Variants in ZNF718 observed in about 807,000 individuals in gnomAD.
The protein encoded by ZNF718 is zinc finger protein 718.
ZNF718 carries 3 observed loss-of-function variants against 2.6 expected under a neutral mutation model. That is an observed-to-expected ratio of 1.16 (90% CI 0.53 to 3.01). ZNF718 has a LOEUF of 3.01. ZNF718 is among the 30% of genes most tolerant of loss of function. The probability of loss-of-function intolerance (pLI) is 0.03; values close to 1 mark genes in which losing one functional copy is unlikely to be tolerated. For missense variants in ZNF718, 468 were observed against 230.0 expected (o/e 2.03, Z -6.69); for synonymous variants, 135 against 77.9 (o/e 1.73, Z -3.86).
chr4:198,959 G>A (rs1300388168), intron 3 of ZNF718, among the ~76,000 whole-genome samples: 1 of 152,066 alleles, frequency 6.6e-6, no homozygotes, highest in Admixed American at 6.5e-5. Flanking sequence ...ATTGAGCACA[G>A]GCAAGTAACT....
At chr4:179,905 ACAT>A (rs1717430289) in intron 3 of ZNF718, among the ~76,000 whole-genome samples, 1 of 152,206 alleles carries the variant, frequency 6.6e-6, no homozygotes. Flanking sequence ...TTAAAATAAA[ACAT>A]CATATATGTT....
At chr4:177,278 A>T (rs1360773637) in intron 3 of ZNF718, among the ~76,000 whole-genome samples, 1 of 152,216 alleles carries the variant, frequency 6.6e-6, no homozygotes, top group African/African-American at 2.4e-5. Flanking sequence ...CAGGTTTATT[A>T]TCTTATGACT....
intron 3 of ZNF718, among the ~76,000 whole-genome samples, chr4:153,475 A>G (rs1261898057): frequency 6.6e-6 from 1 of 152,098 alleles, no homozygotes; most frequent in African/African-American, 2.4e-5. Flanking sequence ...TATGATAGAG[A>G]TTGCATTGAA....
chr4:186,998 G>A (rs1195428871), intron 3 of ZNF718, among the ~76,000 whole-genome samples: 4 of 152,042 alleles, frequency 2.6e-5, no homozygotes, highest in South Asian at 2.1e-4. Flanking sequence ...TACTTTTTGA[G>A]TTTTCATCAT....
chr4:124,773 C>G (rs1465313748), intron 1 of ZNF718, 100 bp downstream of exon 1: 1 of 1,518,038 alleles, frequency 6.6e-7, no homozygotes, highest in African/African-American at 1.4e-5. Flanking sequence ...AGTTCCCGCT[C>G]AGCCCTCTGT....
At chr4:154,596 G>C (rs555613199) in intron 3 of ZNF718, among the ~76,000 whole-genome samples, 2 of 152,268 alleles carry the variant, frequency 1.3e-5, no homozygotes, top group Admixed American at 1.3e-4. Flanking sequence ...GAGATCTGTG[G>C]AACTTTGAAC....
intron 3 of ZNF718, among the ~76,000 whole-genome samples, chr4:173,900 C>T (rs556109407): frequency 6.6e-6 from 1 of 152,224 alleles, no homozygotes; most frequent in East Asian, 1.9e-4. Flanking sequence ...AAGAATGCAG[C>T]CGTGAATAGC....
intron 3 of ZNF718, among the ~76,000 whole-genome samples, chr4:172,171 A>T (rs1435276608): frequency 1.3e-5 from 2 of 152,186 alleles, no homozygotes; most frequent in Non-Finnish European, 2.9e-5. Context: ...TTTTACAGAG[A>T]TCTCTCCAAA....
chr4:187,869 G>T (rs75565890), intron 3 of ZNF718, among the ~76,000 whole-genome samples: 175 of 152,274 alleles, frequency 1.1e-3, no homozygotes, highest in African/African-American at 3.9e-3. Context: ...CAAAGATGGT[G>T]ACCCACTCTG....
At chr4:199,136 G>A (rs1717849051) in intron 3 of ZNF718, among the ~76,000 whole-genome samples, 1 of 152,172 alleles carries the variant, frequency 6.6e-6, no homozygotes, top group Non-Finnish European at 1.5e-5. Flanking sequence ...CTCTACTCTG[G>A]GGCAGAATGG....
intron 3 of ZNF718, among the ~76,000 whole-genome samples, chr4:158,490 TA>T (rs1716677004): frequency 2.8e-5 from 1 of 35,262 alleles, no homozygotes; most frequent in Non-Finnish European, 7.0e-5. Context: ...GATAGGCCCT[TA>T]CTTCTTGTTT....
At chr4:147,946 G>C (rs1553811718) in intron 3 of ZNF718, among the ~76,000 whole-genome samples, 1 of 152,146 alleles carries the variant, frequency 6.6e-6, no homozygotes, top group African/African-American at 2.4e-5. Flanking sequence ...TGAGGCTTTT[G>C]CTGGTTTTTG....
downstream of ZNF718, among the ~76,000 whole-genome samples, chr4:164,789 G>T (rs1717049634): frequency 6.6e-6 from 1 of 152,116 alleles, no homozygotes; most frequent in Non-Finnish European, 1.5e-5. Context: ...GCCAATTCAA[G>T]TAAGTACTGG....
At chr4:126,482 C>G (rs1490879379) in intron 1 of ZNF718, among the ~76,000 whole-genome samples, 1 of 152,202 alleles carries the variant, frequency 6.6e-6, no homozygotes, top group Non-Finnish European at 1.5e-5. Flanking sequence ...AAGAATATAT[C>G]CCACAGTTTC....
intron 3 of ZNF718, among the ~76,000 whole-genome samples, chr4:193,816 C>T (rs1553821615): frequency 6.6e-6 from 1 of 152,196 alleles, no homozygotes; most frequent in Non-Finnish European, 1.5e-5. Context: ...GCTGGATCAT[C>T]TGGTTAGTGG....
intron 3 of ZNF718, among the ~76,000 whole-genome samples, chr4:137,383 A>G (rs1715617507): frequency 6.6e-6 from 1 of 152,228 alleles, no homozygotes; most frequent in African/African-American, 2.4e-5. Flanking sequence ...GCTCAGAAGT[A>G]GAATTAGTGG....
intron 3 of ZNF718, among the ~76,000 whole-genome samples, chr4:180,404 G>A (rs782355800): frequency 6.6e-6 from 1 of 152,186 alleles, no homozygotes; most frequent in African/African-American, 2.4e-5. Context: ...TTCTGAACAG[G>A]GATCCTGGCC....
intron 3 of ZNF718, among the ~76,000 whole-genome samples, chr4:184,977 G>T (rs1196262764): frequency 1.3e-5 from 2 of 151,884 alleles, no homozygotes; most frequent in Non-Finnish European, 2.9e-5. Context: ...CATTTTGAAG[G>T]GTTTTTTTGT....
chr4:166,643 GTCT>G (rs1640783174), downstream of ZNF718, among the ~76,000 whole-genome samples: 1 of 152,160 alleles, frequency 6.6e-6, no homozygotes, highest in Admixed American at 6.5e-5. Flanking sequence ...CTACCTAAAT[GTCT>G]TCTTTTGAGA....
Sources: gnomAD v4.1 joint callset for allele counts (sites outside exome capture counted in the v4.1 genomes callset) on GRCh38, gnomAD v4.1.1 for gene constraint, MANE v1.5 for transcripts, NCBI Gene and HGNC (gene_info 2026-07-23, HGNC 2026-07-21) for gene names.